The following CDH4 variants were observed in gnomAD, a reference collection of about 807,000 sequenced individuals.
CDH4 encodes cadherin-4.
Under a neutral mutation model 86.0 loss-of-function variants are expected in CDH4, and 33 were observed. That is an observed-to-expected ratio of 0.38 (90% CI 0.29 to 0.51). CDH4 has a LOEUF of 0.51. Ranked by LOEUF, CDH4 falls within the 20% of genes least tolerant of loss-of-function variation. The probability of loss-of-function intolerance (pLI) is 0.86; values close to 1 mark genes in which losing one functional copy is unlikely to be tolerated. For missense variants in CDH4, 1,114 were observed against 1,307.4 expected (o/e 0.85, Z 2.28); for synonymous variants, 555 against 549.4 (o/e 1.01, Z -0.14).
At chr20:61,686,466 T>C (rs6061311) in intron 2 of CDH4, among the ~76,000 whole-genome samples, 4,134 of 151,456 alleles carry the variant, frequency 0.027, 168 homozygotes, top group African/African-American at 0.089. Context: ...TGTGTGCATT[T>C]GCGTGTATAT....
chr20:61,257,049 G>T (rs2084102480), intron 2 of CDH4, among the ~76,000 whole-genome samples: 1 of 152,230 alleles, frequency 6.6e-6, no homozygotes, highest in Admixed American at 6.5e-5. Context: ...GAGGAAACAG[G>T]AAGTGTGGTG....
intron 2 of CDH4, among the ~76,000 whole-genome samples, chr20:61,572,546 C>G (rs781458598): frequency 6.6e-6 from 1 of 152,194 alleles, no homozygotes; most frequent in African/African-American, 2.4e-5. Context: ...AACTCCTGCC[C>G]TGCCATTCTT....
At chr20:61,576,278 C>T (rs542576275) in intron 2 of CDH4, among the ~76,000 whole-genome samples, 1 of 152,314 alleles carries the variant, frequency 6.6e-6, no homozygotes, top group South Asian at 2.1e-4. Context: ...GGTCACCCAC[C>T]AGCAGAGCCA....
intron 8 of CDH4, among the ~76,000 whole-genome samples, chr20:61,899,672 C>T (rs1327753297): frequency 2.0e-5 from 3 of 152,138 alleles, no homozygotes; most frequent in African/African-American, 7.2e-5. Context: ...CGTGATCCGC[C>T]CACCTCGGCC....
chr20:61,322,699 A>C (rs1337927834), intron 2 of CDH4, among the ~76,000 whole-genome samples: 3 of 152,138 alleles, frequency 2.0e-5, no homozygotes, highest in African/African-American at 4.8e-5. Flanking sequence ...TCCAACGCTG[A>C]GACGCAGCCA....
At chr20:61,664,978 A>G (rs934530162) in intron 2 of CDH4, among the ~76,000 whole-genome samples, 1 of 152,240 alleles carries the variant, frequency 6.6e-6, no homozygotes, top group African/African-American at 2.4e-5. Flanking sequence ...AATAAGTTTG[A>G]CAGTTGAAAT....
rs978215377 is a variant in CDH4, at chr20:61,754,657, C to T, written c.396+10868C>T. Among the ~76,000 whole-genome samples the T allele has an allele frequency of 2.7e-5, 4 of 149,452 alleles. No individual in the cohort carries two copies. The highest frequency in any genetic ancestry group is 7.5e-5 in the African/African-American group (3 of 40,136). On this transcript the variant is annotated intron_variant, in intron 3 of 15. Coordinates refer to ENST00000614565, the MANE Select transcript of CDH4 (RefSeq NM_001794.5). The surrounding 1 kb of genome is among the most constrained non-coding windows in gnomAD (Gnocchi z 4.7). ...ACACACACGCCCCACACACCACACG[C>T]ACACACGCCCCGCACACACTATGCA...
intron 3 of CDH4, among the ~76,000 whole-genome samples, chr20:61,759,219 C>A (rs1455780889): frequency 6.6e-6 from 1 of 152,174 alleles, no homozygotes; most frequent in Non-Finnish European, 1.5e-5. Context: ...CAGACCAATA[C>A]GTTTGTGTTT....
intron 2 of CDH4, among the ~76,000 whole-genome samples, chr20:61,327,734 G>A (rs554132732): frequency 2.6e-5 from 4 of 152,118 alleles, no homozygotes; most frequent in African/African-American, 9.6e-5. Context: ...TCCACTTCTG[G>A]GAATTTATTC....
intron 2 of CDH4, among the ~76,000 whole-genome samples, chr20:61,297,318 G>C (rs1160831705): frequency 6.6e-6 from 1 of 152,144 alleles, no homozygotes; most frequent in Non-Finnish European, 1.5e-5. Flanking sequence ...CCCGGGAGGC[G>C]GAAGATGCAA....
At chr20:61,730,486 A>G (rs988244023) in intron 2 of CDH4, among the ~76,000 whole-genome samples, 2 of 152,168 alleles carry the variant, frequency 1.3e-5, no homozygotes, top group East Asian at 3.9e-4. Context: ...CTGATAGCTC[A>G]TTGGATATCC....
At chr20:61,565,050 C>CTGGTGGTGCTTTTGGTGGTGGTGGTGG (rs1568687880) in intron 2 of CDH4, among the ~76,000 whole-genome samples, 11 of 75,516 alleles carry the variant, frequency 1.5e-4, no homozygotes, top group Admixed American at 1.4e-3. Context: ...TTTGCTGCCA[C>CTGGTGGTGCTTTTGGTGGTGGTGGTGG]TGGTGGTGCT....
intron 2 of CDH4, among the ~76,000 whole-genome samples, chr20:61,628,911 C>A (rs1260895214): frequency 6.6e-6 from 1 of 152,246 alleles, no homozygotes; most frequent in East Asian, 1.9e-4. Flanking sequence ...AGGATGGTGT[C>A]TCACTTTCAT....
chr20:61,327,147 A>C (rs2084541141), intron 2 of CDH4, among the ~76,000 whole-genome samples: 1 of 152,182 alleles, frequency 6.6e-6, no homozygotes, highest in African/African-American at 2.4e-5. Flanking sequence ...ATGGCTTTGA[A>C]ATCTCATCTT....
At chr20:61,930,363 C>T (rs2055091919) in intron 13 of CDH4, among the ~76,000 whole-genome samples, 1 of 152,246 alleles carries the variant, frequency 6.6e-6, no homozygotes, top group Non-Finnish European at 1.5e-5. Context: ...CCCACAACCA[C>T]TGTGGGTTCC....
In CDH4 at chr20:61,698,099, C is replaced by T. The variant is rs571343159; in HGVS notation, c.170-45464C>T. Among the ~76,000 whole-genome samples, 450 of 152,360 alleles carry T rather than the reference C, an allele frequency of 3.0e-3. 2 individuals carry two copies. The highest frequency in any genetic ancestry group is 9.2e-3 in the African/African-American group (382 of 41,588). ...ACTGCCCGAGACAGCAGCCATTAGC[C>T]GCACGTTGCTGGACAGCACAGACCT... is the stretch of plus-strand genomic sequence containing the variant. On this transcript the variant is annotated intron_variant, in intron 2 of 15. Transcript: ENST00000614565.
chr20:61,687,687 C>T (rs6142830), intron 2 of CDH4, among the ~76,000 whole-genome samples: 24,171 of 152,168 alleles, frequency 0.16, 2,289 homozygotes, highest in East Asian at 0.36. Context: ...TCGGAAATTC[C>T]TTCTGCCTTA....
intron 2 of CDH4, among the ~76,000 whole-genome samples, chr20:61,525,358 T>C (rs2145632894): frequency 6.6e-6 from 1 of 152,282 alleles, no homozygotes; most frequent in East Asian, 1.9e-4. Flanking sequence ...GTTTGCCCAG[T>C]GCTGCCCTGG....
At chr20:61,812,589 T>C (rs1030747039) in intron 4 of CDH4, among the ~76,000 whole-genome samples, 1 of 151,738 alleles carries the variant, frequency 6.6e-6, no homozygotes, top group Admixed American at 6.6e-5. Context: ...GCAAACATAG[T>C]CTTAAAATTT....
Sources: gnomAD v4.1 joint callset for allele counts (sites outside exome capture counted in the v4.1 genomes callset) on GRCh38, gnomAD v4.1.1 for gene constraint, Gnocchi (gnomAD v3.1) non-coding constraint, MANE v1.5 for transcripts, NCBI Gene and HGNC (gene_info 2026-07-23, HGNC 2026-07-21) for gene names.